The following CNTNAP2 variants were observed in gnomAD, a reference collection of about 807,000 sequenced individuals.
The protein encoded by CNTNAP2 is contactin associated protein 2, also known as contactin-associated protein-like 2.
Under a neutral mutation model 155.2 loss-of-function variants are expected in CNTNAP2, and 98 were observed. The ratio of observed to expected loss-of-function variants is 0.63; its 90% CI spans 0.54 to 0.75. CNTNAP2 has a LOEUF of 0.75. Among genes scored for constraint, CNTNAP2 ranks in the 30% least tolerant of loss-of-function variants. The pLI is 0.00. For missense variants in CNTNAP2, 1,727 were observed against 1,688.1 expected, an observed-to-expected ratio of 1.02 and a Z score of -0.40; for synonymous variants, 651 against 631.2, an observed-to-expected ratio of 1.03 and a Z score of -0.47.
intron 15 of CNTNAP2, among the ~76,000 whole-genome samples, chr7:147,997,862 C>T (rs1277058270): frequency 6.6e-6 from 1 of 152,104 alleles, no homozygotes; most frequent in African/African-American, 2.4e-5. Flanking sequence ...GTTCATACGT[C>T]TCATGTCTCA....
At chr7:148,055,892 G>A (rs2116502277) in intron 15 of CNTNAP2, among the ~76,000 whole-genome samples, 1 of 152,266 alleles carries the variant, frequency 6.6e-6, no homozygotes, top group East Asian at 1.9e-4. Context: ...GCAATTTATA[G>A]CCTTGATAAC....
Position 147,775,316 on chromosome 7 carries a change from T to TTTATAA in CNTNAP2, c.2099-128249_2099-128248insTTATAA, listed in dbSNP as rs1221259207. Reference sequence around the variant, plus strand: ...ATATTTATATATATTTATAAATATATATATATTTATATATATTTATAAATA... The same window carrying TTTATAA: ...ATATTTATATATATTTATAAATATATTTATAAATATATTTATATATATTTATAAATA... On this transcript the variant is annotated intron_variant, in intron 13 of 23. Coordinates refer to ENST00000361727, the MANE Select transcript of CNTNAP2 (RefSeq NM_014141.6). 1.9e-3 allele frequency among the ~76,000 whole-genome samples: 85 copies of TTTATAA among 43,686 alleles called. 5 individuals are homozygous for TTTATAA. Among genetic ancestry groups the TTTATAA allele is most frequent in the African/African-American group, 0.019 (83 of 4,342 alleles). 28.7% of individuals were successfully genotyped at this position (43,686 alleles called of 152,430 possible). A position where few individuals can be genotyped will look rare whatever the true frequency, so the allele number is the denominator to read the frequency against.
At chr7:146,236,978 C>T (rs1799484569) in intron 1 of CNTNAP2, among the ~76,000 whole-genome samples, 4 of 152,058 alleles carry the variant, frequency 2.6e-5, no homozygotes, top group South Asian at 4.1e-4. Flanking sequence ...TGAGGGGCTT[C>T]GTTTCTGTAT....
chr7:146,513,010 G>A (rs1208182656), intron 1 of CNTNAP2, among the ~76,000 whole-genome samples: 1 of 151,786 alleles, frequency 6.6e-6, no homozygotes, highest in Non-Finnish European at 1.5e-5. Flanking sequence ...ATATCCTCTT[G>A]CTGAATTGAC....
intron 2 of CNTNAP2, among the ~76,000 whole-genome samples, chr7:146,799,124 C>T (rs1356480470): frequency 6.6e-6 from 1 of 152,180 alleles, no homozygotes; most frequent in African/African-American, 2.4e-5. Flanking sequence ...TTTATTAGAA[C>T]TTACCTCTCC....
chr7:147,700,332 T>A (rs1796217592), intron 13 of CNTNAP2, among the ~76,000 whole-genome samples: 1 of 152,168 alleles, frequency 6.6e-6, no homozygotes, highest in Non-Finnish European at 1.5e-5. Context: ...GGGCCACCAG[T>A]GCACTGTTCC....
intron 8 of CNTNAP2, among the ~76,000 whole-genome samples, chr7:147,260,880 A>G (rs561847556): frequency 1.4e-4 from 21 of 152,298 alleles, no homozygotes; most frequent in African/African-American, 5.1e-4. Flanking sequence ...CAACTTGCCA[A>G]AAGGTAAATA....
chr7:148,283,920 A>C (rs78093069), intron 21 of CNTNAP2, among the ~76,000 whole-genome samples: 1 of 152,256 alleles, frequency 6.6e-6, no homozygotes. Flanking sequence ...GTTGGTTGAT[A>C]AAATGTTATG....
chr7:146,500,444 G>A (rs1477463689), intron 1 of CNTNAP2, among the ~76,000 whole-genome samples: 3 of 152,146 alleles, frequency 2.0e-5, no homozygotes, highest in Non-Finnish European at 4.4e-5. Context: ...TAGTTGGGGG[G>A]AGGTAAAGAA....
chr7:146,338,409 G>A (rs111726578), intron 1 of CNTNAP2, among the ~76,000 whole-genome samples: 7,100 of 152,134 alleles, frequency 0.047, 346 homozygotes, highest in African/African-American at 0.13. Context: ...TGTGTAAAGA[G>A]TGATTATTCT....
Position 148,147,692 on chromosome 7 carries a change from A to G in CNTNAP2, c.2756A>G (p.Tyr919Cys), listed in dbSNP as rs775902359. ...PTEGHTRLEL[Y>C]SQLFVGGAGG... ...GAAGGCCACACCCGCCTGGAGCTCTACAGCCAGTTATTTGTGGGTAAGTAA... is the reference window on the plus strand; with the variant it reads ...GAAGGCCACACCCGCCTGGAGCTCTGCAGCCAGTTATTTGTGGGTAAGTAA... Residue 919 changes from tyrosine to cysteine, a missense_variant, in exon 17 of 24, where the codon TAC (tyrosine) becomes TGC (cysteine). Tyr to Cys is a radical substitution (Grantham distance 194, BLOSUM62 -2). Transcript: ENST00000361727. The G allele has an allele frequency of 6.2e-7, 1 of 1,613,772 alleles. No homozygotes were observed. Among genetic ancestry groups the G allele is most frequent in the Non-Finnish European group, 8.5e-7 (1 of 1,179,988 alleles).
chr7:147,014,552 A>G (rs915522227), intron 3 of CNTNAP2, among the ~76,000 whole-genome samples: 8 of 152,174 alleles, frequency 5.3e-5, no homozygotes, highest in African/African-American at 1.9e-4. Flanking sequence ...AATCTTATGT[A>G]AGATCCAATA....
intron 3 of CNTNAP2, among the ~76,000 whole-genome samples, chr7:146,867,243 C>A (rs1303171394): frequency 6.6e-6 from 1 of 152,076 alleles, no homozygotes; most frequent in Non-Finnish European, 1.5e-5. Context: ...TATCATTAGG[C>A]TCCCATTTCT....
intron 9 of CNTNAP2, among the ~76,000 whole-genome samples, chr7:147,386,137 T>C (rs1796621694): frequency 6.6e-6 from 1 of 152,118 alleles, no homozygotes; most frequent in Non-Finnish European, 1.5e-5. Flanking sequence ...GTCTCTAGAC[T>C]GCACATAGCA....
intron 1 of CNTNAP2, among the ~76,000 whole-genome samples, chr7:146,631,935 CTT>C (rs1451040657): frequency 7.6e-6 from 1 of 131,442 alleles, no homozygotes; most frequent in East Asian, 2.0e-4. Context: ...TCAGAAATCA[CTT>C]TTTAAAATTT....
chr7:148,135,869 G>T (rs900036516), intron 16 of CNTNAP2, among the ~76,000 whole-genome samples: 7 of 129,600 alleles, frequency 5.4e-5, no homozygotes, highest in African/African-American at 1.5e-4. Flanking sequence ...GGGAGGGGAG[G>T]GGGGGAAGGG....
intron 18 of CNTNAP2, among the ~76,000 whole-genome samples, chr7:148,207,926 A>C (rs1038179383): frequency 6.6e-6 from 1 of 152,098 alleles, no homozygotes. Flanking sequence ...TCTACTAAAA[A>C]TACAAAAAAA....
chr7:146,835,065 A>G (rs1460107346), intron 2 of CNTNAP2, among the ~76,000 whole-genome samples: 12 of 152,166 alleles, frequency 7.9e-5, no homozygotes, highest in Non-Finnish European at 1.6e-4. Context: ...TTCTGCTAAG[A>G]AATACATTTT....
chr7:148,029,430 A>G (rs1297719378), intron 15 of CNTNAP2, among the ~76,000 whole-genome samples: 2 of 152,210 alleles, frequency 1.3e-5, no homozygotes, highest in Non-Finnish European at 2.9e-5. Flanking sequence ...CAGAAAATAT[A>G]TAGGTTTGAC....
Sources: gnomAD v4.1 joint callset for allele counts (sites outside exome capture counted in the v4.1 genomes callset) on GRCh38, gnomAD v4.1.1 for gene constraint, MANE v1.5 for transcripts, NCBI Gene and HGNC (gene_info 2026-07-23, HGNC 2026-07-21) for gene names.